The following LAP3 variants were observed in gnomAD, a reference collection of about 807,000 sequenced individuals.
LAP3 encodes cytosol aminopeptidase.
Under a neutral mutation model 58.8 loss-of-function variants are expected in LAP3, and 46 were observed. The observed-to-expected ratio is 0.78, with a 90% confidence interval of 0.62 to 1.00. The LOEUF is 1.00. LAP3 is among the 50% of genes least tolerant of loss of function. The pLI, the probability that LAP3 is intolerant of heterozygous loss-of-function variation, is 0.00. For missense variants in LAP3, 615 were observed against 659.1 expected (o/e 0.93, Z 0.73); for synonymous variants, 257 against 237.7 (o/e 1.08, Z -0.75).
chr4:17,602,841 C>G (rs1318383414), intron 10 of LAP3, among the ~76,000 whole-genome samples: 1 of 151,930 alleles, frequency 6.6e-6, no homozygotes, highest in East Asian at 2.0e-4. Flanking sequence ...TGCGCCACCA[C>G]ACTCGGATTT....
At chr4:17,592,329 G>A (rs1344996028) in intron 7 of LAP3, among the ~76,000 whole-genome samples, 1 of 93,926 alleles carries the variant, frequency 1.1e-5, no homozygotes, top group Non-Finnish European at 2.0e-5. Flanking sequence ...TATAAATGCA[G>A]TCTTTGATGT....
intron 2 of LAP3, among the ~76,000 whole-genome samples, chr4:17,581,149 C>T (rs1008153762): frequency 6.6e-6 from 1 of 152,118 alleles, no homozygotes; most frequent in African/African-American, 2.4e-5. Context: ...TGGAAATTGC[C>T]CAGGATAGTC....
intron 6 of LAP3, chr4:17,585,567 T>G (rs1039553961): frequency 6.4e-6 from 1 of 156,952 alleles, no homozygotes; most frequent in Non-Finnish European, 1.4e-5. Flanking sequence ...GGATTACAGG[T>G]GTGTGCCACC....
At chr4:17,597,717 G>A (rs1002587552) in intron 9 of LAP3, among the ~76,000 whole-genome samples, 3 of 152,220 alleles carry the variant, frequency 2.0e-5, no homozygotes, top group African/African-American at 7.2e-5. Context: ...CCTGCAGAGG[G>A]CGGCAAAGCA....
chr4:17,586,425 A>G (rs549346640), intron 6 of LAP3, among the ~76,000 whole-genome samples: 1 of 152,320 alleles, frequency 6.6e-6, no homozygotes, highest in East Asian at 1.9e-4. Flanking sequence ...GCTTGATAAA[A>G]TTTCTGGAAT....
At chr4:17,578,691 A>G (rs1016592176) in intron 1 of LAP3, among the ~76,000 whole-genome samples, 9 of 152,222 alleles carry the variant, frequency 5.9e-5, no homozygotes, top group Admixed American at 1.3e-4. Context: ...TGCAAAAGTA[A>G]ATACTAAGTA....
chr4:17,583,525 A>C lies in LAP3; in HGVS notation c.422A>C (p.Glu141Ala), dbSNP rs1283967801. The change falls in exon 5 of 13, where the codon GAG (glutamate) becomes GCG (alanine). Residue 141 changes from glutamate (E) to alanine (A), a missense_variant. By Grantham distance (107) the Glu-to-Ala change is moderately radical (BLOSUM62 -1). Transcript: ENST00000226299. Reference protein sequence around the residue: ...QIQDLELSSVEVDPCGDAQAA... With the variant: ...QIQDLELSSVAVDPCGDAQAA... Reference sequence around the variant, plus strand: ...CAAGACCTGGAGCTCTCGTCTGTGGAGGTGGATCCCTGTGGAGACGCTCAG... The same window carrying C: ...CAAGACCTGGAGCTCTCGTCTGTGGCGGTGGATCCCTGTGGAGACGCTCAG... The C allele has an allele frequency of 1.2e-6, 2 of 1,613,960 alleles. No individual in the cohort carries two copies. The highest frequency in any genetic ancestry group is 1.7e-5 in the Admixed American group (1 of 59,986).
rs1250575490 is a variant in LAP3, at chr4:17,607,402, C to T, written c.1373C>T (p.Ser458Phe). The change falls in exon 13 of 13, where the codon TCT (serine) becomes TTT (phenylalanine). Residue 458 changes from serine (S) to phenylalanine (F), a missense_variant and splice_region_variant. Physicochemically the swap from Ser to Phe is radical, Grantham distance 155. Transcript: ENST00000226299. ...GTGCTTTTTGTCTTTCTCTTCAGATCTGCAGGAGCATGTACAGCTGCAGCA... is the reference window on the plus strand; with the variant it reads ...GTGCTTTTTGTCTTTCTCTTCAGATTTGCAGGAGCATGTACAGCTGCAGCA... ...ADVNNIGKYR[S>F]AGACTAAAFL... 3 of 1,610,806 alleles carry T rather than the reference C, an allele frequency of 1.9e-6. No homozygotes were observed. In the African/African-American group the frequency reaches 4.0e-5, roughly 21 times the overall value.
In LAP3 at chr4:17,577,302, T is replaced by C; in HGVS notation, c.-164T>C. 1 of 191,426 alleles carries C rather than the reference T, an allele frequency of 5.2e-6. No homozygotes were observed. The highest frequency in any genetic ancestry group is 8.8e-6 in the Non-Finnish European group (1 of 113,078). The allele number at this position is 191,426 out of a possible 1,614,324, so 11.9% of individuals were successfully genotyped here. A position where few individuals can be genotyped will look rare whatever the true frequency, so the allele number is the denominator to read the frequency against. ...TGATCCCAGCGGTCCAGTCGGCCGG[T>C]GCTGCCCATCCGTCCCGCCCCCTAG... is the stretch of plus-strand genomic sequence containing the variant. On this transcript the variant is annotated 5_prime_UTR_variant, in exon 1 of 13. Coordinates refer to ENST00000226299, the MANE Select transcript of LAP3 (RefSeq NM_015907.3).
In LAP3 at chr4:17,583,585, A is replaced by C. The variant is rs753762501; in HGVS notation, c.482A>C (p.Glu161Ala). The change falls in exon 5 of 13, where the codon GAA (glutamate) becomes GCA (alanine). Residue 161 changes from glutamate (E) to alanine (A), a missense_variant. Coordinates refer to ENST00000226299, the MANE Select transcript of LAP3 (RefSeq NM_015907.3). ...AAEGAVLGLY[E>A]YDDLKQKKKM... is the part of the protein sequence containing the mutation. The stretch of plus-strand genomic sequence containing the variant: ...GAGGGAGCGGTGCTTGGTCTCTATG[A>C]ATACGATGACCTAAAGCAAAAAAAG... 6.2e-7 allele frequency: 1 copy of C among 1,614,124 alleles called. No individual in the cohort carries two copies. Among genetic ancestry groups the C allele is most frequent in the South Asian group, 1.1e-5 (1 of 91,078 alleles).
At position 17,593,971 on chromosome 4, in the gene LAP3, G is replaced by C. The variant is rs527912650; in HGVS notation, c.864-1439G>C. 3.9e-5 allele frequency among the ~76,000 whole-genome samples: 6 copies of C among 152,118 alleles called. No homozygotes were observed. In the South Asian group the frequency reaches 1.2e-3, roughly 32 times the overall value. On this transcript the variant is annotated intron_variant, in intron 7 of 12. Coordinates refer to ENST00000226299, the MANE Select transcript of LAP3 (RefSeq NM_015907.3). ...TGAGATTTTGATTGAGATAGATTTT[G>C]TGTGTGTGTAAAAATGTGCTGTTTT...
In LAP3 at chr4:17,598,570, C is replaced by T. The variant is rs757547733; in HGVS notation, c.1180+12C>T. ...CGCCACCTTAACAGGTCAGACCGCG[C>T]ACTTGCCTTGATTTTGTTTGAAGGA... On this transcript the variant is annotated intron_variant, in intron 10 of 12. Coordinates refer to ENST00000226299, the MANE Select transcript of LAP3 (RefSeq NM_015907.3). 1.3e-6 allele frequency: 2 copies of T among 1,577,232 alleles called. No homozygotes were observed. The highest frequency in any genetic ancestry group is 1.7e-6 in the Non-Finnish European group (2 of 1,146,646).
At chr4:17,600,387 C>T (rs1713953148) in intron 10 of LAP3, among the ~76,000 whole-genome samples, 2 of 138,528 alleles carry the variant, frequency 1.4e-5, no homozygotes, top group Admixed American at 1.5e-4. Flanking sequence ...AACACTTTAC[C>T]TGAAAAGCAG....
rs1465095016 is a variant in LAP3, at chr4:17,597,128, C to T, written c.1071C>T (p.Thr357=). 2 of 1,613,900 alleles carry T rather than the reference C, an allele frequency of 1.2e-6. No individual in the cohort carries two copies. Among genetic ancestry groups the T allele is most frequent in the African/African-American group, 2.7e-5 (2 of 74,932 alleles). ...GDVVRAKNGK[T]IQVDNTDAEG... The stretch of plus-strand genomic sequence containing the variant: ...TTGTTAGAGCCAAAAACGGGAAGAC[C>T]ATCCAGGTTTGTAAATGTGAGACAC... The change falls in exon 9 of 13, where the codon ACC becomes ACT. Residue 357 remains threonine, a synonymous_variant. Coordinates refer to ENST00000226299, the MANE Select transcript of LAP3 (RefSeq NM_015907.3).
In LAP3 at chr4:17,583,483, C is replaced by T. The variant is rs754781831; in HGVS notation, c.380C>T (p.Ala127Val). The stretch of plus-strand genomic sequence containing the variant: ...TTTCTGATTCCTCTGTCTTTTCAAG[C>T]GGGGTGCAGGCAGATTCAAGACCTG... ...GKENIRAAVA[A>V]GCRQIQDLEL... The change falls in exon 5 of 13, where the codon GCG (alanine) becomes GTG (valine). Residue 127 changes from alanine to valine, a missense_variant and splice_region_variant. Transcript: ENST00000226299. 9 of 1,613,462 alleles carry T rather than the reference C, an allele frequency of 5.6e-6. No individual in the cohort carries two copies. The highest frequency in any genetic ancestry group is 2.2e-5 in the East Asian group (1 of 44,878).
At position 17,588,840 on chromosome 4, in the gene LAP3, A is replaced by G; in HGVS notation, c.726A>G (p.Glu242=). 1 of 1,614,102 alleles carries G rather than the reference A, an allele frequency of 6.2e-7. No homozygotes were observed. The highest frequency in any genetic ancestry group is 8.5e-7 in the Non-Finnish European group (1 of 1,179,988). ...ATAGACCCAAGTCTTGGATTGAGGA[A>G]CAGGCAATGGGATCATTCCTCAGTG... ...VHIRPKSWIE[E]QAMGSFLSVA... is the part of the protein sequence containing the mutation. The change falls in exon 7 of 13, where the codon GAA becomes GAG. Residue 242 remains glutamate, a synonymous_variant. Transcript: ENST00000226299.
intron 11 of LAP3, among the ~76,000 whole-genome samples, chr4:17,606,116 G>A (rs549692009): frequency 1.3e-4 from 20 of 152,242 alleles, no homozygotes; most frequent in Admixed American, 5.2e-4. Context: ...ATGAATGAGT[G>A]AGTGGGTAAG....
At chr4:17,585,840 A>G (rs1713499269) in intron 6 of LAP3, 1 of 152,216 alleles carries the variant, frequency 6.6e-6, no homozygotes, top group Admixed American at 6.5e-5. Flanking sequence ...CCCATTCCCT[A>G]AAGCCAGCAG....
At chr4:17,593,548 T>C (rs1713751498) in intron 7 of LAP3, among the ~76,000 whole-genome samples, 1 of 151,182 alleles carries the variant, frequency 6.6e-6, no homozygotes, top group South Asian at 2.1e-4. Context: ...TTGCTCTTCT[T>C]TTTCAGAATG....
Sources: gnomAD v4.1 joint callset for allele counts (sites outside exome capture counted in the v4.1 genomes callset) on GRCh38, gnomAD v4.1.1 for gene constraint, MANE v1.5 for transcripts, NCBI Gene and HGNC (gene_info 2026-07-23, HGNC 2026-07-21) for gene names.